The following KIAA0586 variants were observed in gnomAD, a reference collection of about 807,000 sequenced individuals.
The protein encoded by KIAA0586 is protein TALPID3.
KIAA0586 carries 144 observed loss-of-function variants against 169.8 expected under a neutral mutation model. That is an observed-to-expected ratio of 0.85 (90% CI 0.74 to 0.97). The LOEUF (loss-of-function observed/expected upper bound fraction) is 0.97, where lower values mean the gene tolerates loss of function less well. Among genes scored for constraint, KIAA0586 ranks in the 50% least tolerant of loss-of-function variants. The pLI, the probability that KIAA0586 is intolerant of heterozygous loss-of-function variation, is 0.00. For missense variants in KIAA0586, 1,854 were observed against 1,823.0 expected, an observed-to-expected ratio of 1.02 and a Z score of -0.31; for synonymous variants, 625 against 612.4, an observed-to-expected ratio of 1.02 and a Z score of -0.30.
At chr14:58,427,598 A>G (rs1263205082), upstream of KIAA0586, 1 of 1,535,550 alleles carries the variant, frequency 6.5e-7, no homozygotes, top group Non-Finnish European at 8.7e-7. Context: ...GGAATGGAAG[A>G]GCACCAGAGA....
intron 20 of KIAA0586, among the ~76,000 whole-genome samples, chr14:58,477,753 A>AT (rs372946139): frequency 6.8e-6 from 1 of 146,522 alleles, no homozygotes; most frequent in South Asian, 2.2e-4. Flanking sequence ...TCTCTTCTCC[A>AT]TTTTTTTCTT....
chr14:58,443,464 C>G (rs1048808009), intron 5 of KIAA0586, among the ~76,000 whole-genome samples: 3 of 152,168 alleles, frequency 2.0e-5, no homozygotes, highest in Non-Finnish European at 2.9e-5. Context: ...ACTCTGTTGC[C>G]CAGGCTGAAG....
intron 20 of KIAA0586, among the ~76,000 whole-genome samples, chr14:58,479,894 TATACTA>T (rs1404372190): frequency 5.3e-5 from 8 of 152,226 alleles, no homozygotes; most frequent in African/African-American, 1.9e-4. Context: ...ACCTGTAAGT[TATACTA>T]ATACCATACT....
intron 8 of KIAA0586, among the ~76,000 whole-genome samples, chr14:58,451,055 C>A (rs1315511985): frequency 7.3e-6 from 1 of 136,648 alleles, no homozygotes; most frequent in Non-Finnish European, 1.5e-5. Flanking sequence ...GTGGTGCGAT[C>A]TCGGCTCACT....
chr14:58,472,309 A>T (rs1424848015), intron 18 of KIAA0586, 30 bp downstream of exon 18: 1 of 1,286,190 alleles, frequency 7.8e-7, no homozygotes, highest in East Asian at 2.6e-5. Flanking sequence ...ATGAGAAATT[A>T]TTTTTCTACC....
chr14:58,469,754 A>G (rs1201949033), intron 16 of KIAA0586, among the ~76,000 whole-genome samples: 3 of 152,128 alleles, frequency 2.0e-5, no homozygotes, highest in Admixed American at 2.0e-4. Context: ...CATGAATAAG[A>G]CTCTACAAAA....
At chr14:58,481,719 A>G (rs1253188198) in intron 20 of KIAA0586, among the ~76,000 whole-genome samples, 1 of 152,068 alleles carries the variant, frequency 6.6e-6, no homozygotes, top group East Asian at 1.9e-4. Flanking sequence ...AGTCTTTTTC[A>G]TAATAAGTAG....
rs554705873 is a variant in KIAA0586, at chr14:58,460,963, G to A, written c.1885-23G>A. 1.1e-4 allele frequency: 162 copies of A among 1,502,710 alleles called. 5 individuals are homozygous for A. In the South Asian group the frequency reaches 2.2e-3, roughly 20 times the overall value. The allele number at this position is 1,502,710 out of a possible 1,614,324, so 93.1% of individuals were successfully genotyped here. On this transcript the variant is annotated intron_variant, in intron 13 of 30. Transcript: ENST00000652326. ...TGTTTGATGACTGTTTTCATGGTGA[G>A]TTGAATAACTTTGTACACACAGGGG... is the stretch of plus-strand genomic sequence containing the variant.
At chr14:58,431,089 T>G (rs1353523964) in intron 3 of KIAA0586, among the ~76,000 whole-genome samples, 1 of 152,198 alleles carries the variant, frequency 6.6e-6, no homozygotes, top group Admixed American at 6.5e-5. Context: ...AGGGTAGAAT[T>G]TATTTTTAAA....
chr14:58,440,261 C>T (rs545340133), intron 4 of KIAA0586: 28 of 420,606 alleles, frequency 6.7e-5, no homozygotes, highest in African/African-American at 5.7e-4. Flanking sequence ...TCTTGCTTTG[C>T]TCTGCTCTGC....
At chr14:58,505,688 T>C (rs2043889300) in intron 27 of KIAA0586, among the ~76,000 whole-genome samples, 1 of 152,178 alleles carries the variant, frequency 6.6e-6, no homozygotes. Flanking sequence ...TCCTGGTGAG[T>C]TTATATGTCT....
intron 29 of KIAA0586, 48 bp downstream of exon 29, chr14:58,512,675 A>G: frequency 1.0e-6 from 1 of 970,248 alleles, no homozygotes; most frequent in Non-Finnish European, 1.5e-6. Flanking sequence ...TACTTGTCTG[A>G]ATATTGAACA....
intron 26 of KIAA0586, among the ~76,000 whole-genome samples, chr14:58,498,038 C>T (rs958288859): frequency 4.0e-5 from 6 of 151,830 alleles, no homozygotes; most frequent in Non-Finnish European, 8.8e-5. Flanking sequence ...CCACCATGCC[C>T]AGCTAATTTT....
intron 29 of KIAA0586, among the ~76,000 whole-genome samples, chr14:58,524,687 A>G (rs1350752796): frequency 3.3e-5 from 5 of 152,230 alleles, no homozygotes; most frequent in Non-Finnish European, 5.9e-5. Context: ...TGCTATTCTT[A>G]TCTGTAATAT....
At chr14:58,518,765 G>A (rs528584520) in intron 29 of KIAA0586, among the ~76,000 whole-genome samples, 2 of 152,198 alleles carry the variant, frequency 1.3e-5, no homozygotes, top group African/African-American at 2.4e-5. Context: ...ACCTCCGATT[G>A]AAAACGTCTT....
At position 58,458,521 on chromosome 14, in the gene KIAA0586, T is replaced by G; in HGVS notation, c.1632T>G (p.Ile544Met). Residue 544 changes from isoleucine to methionine, a missense_variant, in exon 12 of 31, where the codon ATT (isoleucine) becomes ATG (methionine). Coordinates refer to ENST00000652326, the MANE Select transcript of KIAA0586 (RefSeq NM_001329943.3). ...TCAGAAAGACAGTGGATGAATGGAT[T>G]AAAACTATTTCTGCAGAAATTCAGG... is the stretch of plus-strand genomic sequence containing the variant. Reference protein sequence around the residue: ...IRIRKTVDEWIKTISAEIQDE... With the variant: ...IRIRKTVDEWMKTISAEIQDE... 1 of 1,541,416 alleles carries G rather than the reference T, an allele frequency of 6.5e-7. No individual in the cohort carries two copies. Among genetic ancestry groups the G allele is most frequent in the Non-Finnish European group, 8.8e-7 (1 of 1,139,834 alleles).
At chr14:58,471,024 G>A (rs1242905251) in intron 17 of KIAA0586, among the ~76,000 whole-genome samples, 1 of 151,888 alleles carries the variant, frequency 6.6e-6, no homozygotes, top group East Asian at 1.9e-4. Flanking sequence ...GCTAATTTTT[G>A]TATTTTTAGT....
chr14:58,444,915 G>GGAAAA (rs1189319999), intron 6 of KIAA0586, among the ~76,000 whole-genome samples: 4 of 111,984 alleles, frequency 3.6e-5, no homozygotes, highest in African/African-American at 7.1e-5. Flanking sequence ...CATCTCTTAG[G>GGAAAA]AAAAAAAAAA....
chr14:58,562,087 G>A, the KIAA0586 span, among the ~76,000 whole-genome samples: 1 of 152,128 alleles, frequency 6.6e-6, no homozygotes, highest in Admixed American at 6.5e-5. Flanking sequence ...CAATTGACAT[G>A]TTATTTCTTT....
Sources: gnomAD v4.1 joint callset for allele counts (sites outside exome capture counted in the v4.1 genomes callset) on GRCh38, gnomAD v4.1.1 for gene constraint, MANE v1.5 for transcripts, NCBI Gene and HGNC (gene_info 2026-07-23, HGNC 2026-07-21) for gene names.